The following DTL variants were observed in gnomAD, a reference collection of about 807,000 sequenced individuals.
DTL encodes denticleless E3 ubiquitin protein ligase adapter, also known as denticleless protein homolog.
DTL carries 46 observed loss-of-function variants against 87.0 expected under a neutral mutation model. The ratio of observed to expected loss-of-function variants is 0.53; its 90% CI spans 0.42 to 0.68. The LOEUF (loss-of-function observed/expected upper bound fraction) is 0.68, where lower values mean the gene tolerates loss of function less well. DTL is among the 30% of genes least tolerant of loss of function. The probability of loss-of-function intolerance (pLI) is 0.00; values close to 1 mark genes in which losing one functional copy is unlikely to be tolerated. For synonymous variants in DTL, 308 were observed against 311.2 expected, an observed-to-expected ratio of 0.99 and a Z score of 0.11; for missense variants, 737 against 869.4, an observed-to-expected ratio of 0.85 and a Z score of 1.91.
At position 212,035,792 on chromosome 1, in the gene DTL, T is replaced by C; in HGVS notation, c.-99T>C. ...TTACAGTGGCGGGAGTTGGAGGCGA[T>C]AACGATTTGTGTTGTGAGAGGCGCA... On this transcript the variant is annotated 5_prime_UTR_variant, in exon 1 of 15. Transcript: ENST00000366991. 2 of 1,180,730 alleles carry C rather than the reference T, an allele frequency of 1.7e-6. No homozygotes were observed. Among genetic ancestry groups the C allele is most frequent in the South Asian group, 1.3e-5 (1 of 75,988 alleles). 73.1% of individuals were successfully genotyped at this position (1,180,730 alleles called of 1,614,324 possible). A position where few individuals can be genotyped will look rare whatever the true frequency, so the allele number is the denominator to read the frequency against.
chr1:212,087,513 G>A (rs1655165700), intron 13 of DTL, among the ~76,000 whole-genome samples: 1 of 151,628 alleles, frequency 6.6e-6, no homozygotes, highest in South Asian at 2.1e-4. Flanking sequence ...TCACGCCACT[G>A]CACTCCAGCC....
intron 5 of DTL, among the ~76,000 whole-genome samples, chr1:212,061,498 CAAA>C (rs150226369): frequency 1.4e-5 from 2 of 144,010 alleles, no homozygotes; most frequent in East Asian, 2.0e-4. Context: ...TAAGATTTCT[CAAA>C]AAAAAAAAAA....
At chr1:212,065,069 C>A (rs2102550761) in intron 7 of DTL, 40 bp downstream of exon 7, 1 of 1,410,404 alleles carries the variant, frequency 7.1e-7, no homozygotes, top group Middle Eastern at 1.8e-4. Context: ...CAGATCTTAT[C>A]TGTAGGATAG....
intron 11 of DTL, among the ~76,000 whole-genome samples, chr1:212,073,270 G>A (rs1411571375): frequency 6.6e-6 from 1 of 152,096 alleles, no homozygotes; most frequent in Non-Finnish European, 1.5e-5. Context: ...GATCATTAAG[G>A]CATTGTTTAC....
Position 212,035,772 on chromosome 1 carries a change from G to A in DTL, c.-119G>A. On this transcript the variant is annotated 5_prime_UTR_variant, in exon 1 of 15. It adds an upstream start codon to the 5' untranslated region. Transcript: ENST00000366991. ...CGGAGTTTGGCGGCCGGGGCTTACA[G>A]TGGCGGGAGTTGGAGGCGATAACGA... is the stretch of plus-strand genomic sequence containing the variant. The A allele has an allele frequency of 1.0e-6, 1 of 955,704 alleles. No homozygotes were observed. Among genetic ancestry groups the A allele is most frequent in the Non-Finnish European group, 1.6e-6 (1 of 625,348 alleles). 59.2% of individuals were successfully genotyped at this position (955,704 alleles called of 1,614,324 possible). A position where few individuals can be genotyped will look rare whatever the true frequency, so the allele number is the denominator to read the frequency against.
intron 2 of DTL, among the ~76,000 whole-genome samples, chr1:212,043,725 G>C (rs896404051): frequency 1.3e-5 from 2 of 151,430 alleles, no homozygotes; most frequent in Admixed American, 1.3e-4. Context: ...AGCTACTTGG[G>C]ATGCTGAGAC....
chr1:212,066,546 T>C (rs1486014620), intron 7 of DTL, among the ~76,000 whole-genome samples: 1 of 152,180 alleles, frequency 6.6e-6, no homozygotes, highest in African/African-American at 2.4e-5. Context: ...TGAGTCTAAG[T>C]AGATGCAGTA....
At position 212,080,605 on chromosome 1, in the gene DTL, T is replaced by G. The variant is rs375521454; in HGVS notation, c.1126-10T>G. 6.2e-7 allele frequency: 1 copy of G among 1,602,612 alleles called. No individual in the cohort carries two copies. Among genetic ancestry groups the G allele is most frequent in the African/African-American group, 1.3e-5 (1 of 74,172 alleles). Reference sequence around the variant, plus strand: ...AATTTCTTAATTCCCTTCTTGGTACTCCCTCTTAGATTGCTACCTGTTCTG... The same window carrying G: ...AATTTCTTAATTCCCTTCTTGGTACGCCCTCTTAGATTGCTACCTGTTCTG... On this transcript the variant is annotated splice_polypyrimidine_tract_variant and intron_variant, in intron 12 of 14. Coordinates refer to ENST00000366991, the MANE Select transcript of DTL (RefSeq NM_016448.4).
intron 11 of DTL, among the ~76,000 whole-genome samples, chr1:212,074,276 C>A (rs1205389349): frequency 6.8e-6 from 1 of 147,492 alleles, no homozygotes; most frequent in African/African-American, 2.5e-5. Context: ...TTATGTGTAT[C>A]TTGTGTAAAG....
At position 212,067,203 on chromosome 1, in the gene DTL, C is replaced by T. The variant is rs117047943; in HGVS notation, c.713+318C>T. 4.6e-5 allele frequency among the ~76,000 whole-genome samples: 7 copies of T among 152,326 alleles called. No homozygotes were observed. In the East Asian group the frequency reaches 1.3e-3, roughly 29 times the overall value. ...TGCCTTATGCAATATAATTTAGTCA[C>T]TAATTCTCATTTTGAAGAGTAAAAT... is the stretch of plus-strand genomic sequence containing the variant. On this transcript the variant is annotated intron_variant, in intron 8 of 14. Coordinates refer to ENST00000366991, the MANE Select transcript of DTL (RefSeq NM_016448.4).
chr1:212,091,056 A>T (rs1483090012), intron 13 of DTL, among the ~76,000 whole-genome samples: 1 of 152,240 alleles, frequency 6.6e-6, no homozygotes, highest in Non-Finnish European at 1.5e-5. Flanking sequence ...CATTGTAGCT[A>T]TTAAAAATGA....
intron 11 of DTL, among the ~76,000 whole-genome samples, chr1:212,073,336 T>C (rs1654732041): frequency 1.3e-5 from 2 of 152,220 alleles, no homozygotes; most frequent in African/African-American, 4.8e-5. Context: ...TAAATGTCTT[T>C]GACATTGGTG....
chr1:212,047,354 A>G lies in DTL; in HGVS notation c.397A>G (p.Ile133Val). ...TTGGGACGTAAAAGCTGGTGAGCTGATTGGAACATGCAAAGGTCATCAATG... is the reference window on the plus strand; with the variant it reads ...TTGGGACGTAAAAGCTGGTGAGCTGGTTGGAACATGCAAAGGTCATCAATG... ...KFWDVKAGEL[I>V]GTCKGHQCSL... Residue 133 changes from isoleucine (I) to valine (V), a missense_variant, in exon 5 of 15, where the codon ATT becomes GTT. Physicochemically the swap from Ile to Val is conservative, Grantham distance 29. Transcript: ENST00000366991. 1.2e-6 allele frequency: 2 copies of G among 1,614,210 alleles called. No individual in the cohort carries two copies. The highest frequency in any genetic ancestry group is 1.7e-6 in the Non-Finnish European group (2 of 1,180,028).
At chr1:212,064,796 C>G in intron 6 of DTL, 121 bp from the exon 7 acceptor site, 1 of 733,722 alleles carries the variant, frequency 1.4e-6, no homozygotes, top group South Asian at 1.6e-5. Flanking sequence ...GCAGCTGGCT[C>G]TGCTGGCTTC....
chr1:212,042,843 C>A, intron 1 of DTL, 150 bp from the exon 2 acceptor site: 1 of 674,256 alleles, frequency 1.5e-6, no homozygotes, highest in Non-Finnish European at 2.2e-6. Flanking sequence ...AATGAAATAA[C>A]AGAAATGGTG....
chr1:212,059,534 G>C (rs145095667), intron 5 of DTL, among the ~76,000 whole-genome samples: 12 of 152,040 alleles, frequency 7.9e-5, no homozygotes, highest in African/African-American at 2.9e-4. Flanking sequence ...ACATAAAAAG[G>C]CTGTATATGA....
chr1:212,046,363 G>A (rs1395545956), intron 3 of DTL, among the ~76,000 whole-genome samples: 6 of 152,104 alleles, frequency 3.9e-5, no homozygotes, highest in Non-Finnish European at 8.8e-5. Context: ...GTGCCGTGGT[G>A]GTTTGCTGCA....
intron 1 of DTL, among the ~76,000 whole-genome samples, chr1:212,037,529 G>A (rs1017055633): frequency 6.6e-6 from 1 of 152,120 alleles, no homozygotes; most frequent in Admixed American, 6.6e-5. Flanking sequence ...GGAAAACAGT[G>A]TATAACTAAA....
intron 1 of DTL, among the ~76,000 whole-genome samples, chr1:212,036,214 A>G (rs993051364): frequency 6.6e-6 from 1 of 152,098 alleles, no homozygotes; most frequent in Non-Finnish European, 1.5e-5. Context: ...TTACATCTCC[A>G]TTGCGCGTTA....
Sources: allele counts gnomAD v4.1 joint callset (sites outside exome capture counted in the v4.1 genomes callset), GRCh38; gene constraint gnomAD v4.1.1; transcripts MANE v1.5; gene names NCBI Gene and HGNC (gene_info 2026-07-23, HGNC 2026-07-21).